The following ZBTB49 variants were observed in gnomAD, a reference collection of about 807,000 sequenced individuals.
ZBTB49 encodes zinc finger and BTB domain-containing protein 49.
A neutral mutation model predicts 57.5 loss-of-function variants in ZBTB49; 43 were observed. The observed-to-expected ratio is 0.75, with a 90% CI of 0.59 to 0.97. ZBTB49 has a LOEUF of 0.97. Ranked by LOEUF, ZBTB49 falls within the 50% of genes least tolerant of loss-of-function variation. The pLI is 0.00. For missense variants in ZBTB49, 938 were observed against 947.7 expected (o/e 0.99, Z 0.13); for synonymous variants, 369 against 362.1 (o/e 1.02, Z -0.22).
chr4:4,296,327 A>C (rs946308685), intron 1 of ZBTB49, among the ~76,000 whole-genome samples: 5 of 152,234 alleles, frequency 3.3e-5, no homozygotes, highest in Admixed American at 1.3e-4. Flanking sequence ...CACCACCCAA[A>C]TCTCATTTTG....
intron 1 of ZBTB49, among the ~76,000 whole-genome samples, chr4:4,294,278 C>G (rs1321959000): frequency 1.3e-5 from 2 of 151,988 alleles, no homozygotes; most frequent in African/African-American, 4.8e-5. Flanking sequence ...GGTTTCCAGA[C>G]CTTTTTATAA....
At chr4:4,306,280 C>A (rs767886348) in intron 4 of ZBTB49, 96 bp downstream of exon 4, 3 of 1,023,884 alleles carry the variant, frequency 2.9e-6, no homozygotes, top group Middle Eastern at 2.1e-4. Context: ...GTGAGAGAAG[C>A]CTCTAATGAT....
chr4:4,320,465 C>A (rs578258012), intron 7 of ZBTB49, among the ~76,000 whole-genome samples, 175 bp from the exon 8 acceptor site: 1 of 152,198 alleles, frequency 6.6e-6, no homozygotes, highest in Admixed American at 6.5e-5. Context: ...TAGCAAGACC[C>A]TGTCTCTACA....
chr4:4,291,048 C>T (rs540832765), intron 1 of ZBTB49, among the ~76,000 whole-genome samples: 3 of 152,258 alleles, frequency 2.0e-5, no homozygotes, highest in East Asian at 1.9e-4. Flanking sequence ...GGAGGATGCA[C>T]AGAGTATTGT....
chr4:4,318,611 A>C (rs1721281646), intron 7 of ZBTB49, among the ~76,000 whole-genome samples: 1 of 152,214 alleles, frequency 6.6e-6, no homozygotes, highest in Non-Finnish European at 1.5e-5. Flanking sequence ...CCATCTCAAA[A>C]ACAAAAACAA....
intron 4 of ZBTB49, 113 bp from the exon 5 acceptor site, chr4:4,312,927 CT>C (rs1240393522): frequency 8.5e-7 from 1 of 1,179,822 alleles, no homozygotes; most frequent in Non-Finnish European, 1.2e-6. Flanking sequence ...TCATCTTCAT[CT>C]GGAATTTGAA....
intron 7 of ZBTB49, among the ~76,000 whole-genome samples, chr4:4,317,577 A>G (rs967250059): frequency 2.6e-5 from 4 of 152,174 alleles, no homozygotes; most frequent in Non-Finnish European, 5.9e-5. Context: ...GGACTCATAC[A>G]ACACGGGGTA....
At position 4,306,099 on chromosome 4, in the gene ZBTB49, A is replaced by G. The variant is rs552298897; in HGVS notation, c.1256-39A>G. 6.9e-5 allele frequency: 108 copies of G among 1,575,456 alleles called. 1 individual carries two copies. In the South Asian group the frequency reaches 1.1e-3, roughly 16 times the overall value. ...AACAAAAAATTATTGAACAAATACT[A>G]GTAATGATTTTACAAGTTGTTGTTT... On this transcript the variant is annotated intron_variant, in intron 3 of 7. Transcript: ENST00000337872.
In ZBTB49 at chr4:4,301,963, T is replaced by C. The variant is rs201062636; in HGVS notation, c.153-26T>C. The C allele has an allele frequency of 2.0e-5, 30 of 1,485,142 alleles. No homozygotes were observed. In the East Asian group the frequency reaches 6.5e-4, roughly 32 times the overall value. The allele number at this position is 1,485,142 out of a possible 1,614,324, so 92.0% of individuals were successfully genotyped here. On this transcript the variant is annotated intron_variant, in intron 2 of 7. Coordinates refer to ENST00000337872, the MANE Select transcript of ZBTB49 (RefSeq NM_145291.4). ...AAGATGGTGTGAATTTTTGGCACTGTAAACAGATATTCTTTCTTTTACCAG... is the reference window on the plus strand; with the variant it reads ...AAGATGGTGTGAATTTTTGGCACTGCAAACAGATATTCTTTCTTTTACCAG...
rs544583551 is a variant in ZBTB49 at position 4,317,484 on chromosome 4, C to T, written c.1621+1514C>T. ...GGAAGCCTTATACCCATTAGCAACC[C>T]CCTTCCCAGCCCTGGCCCCTGGCTG... On this transcript the variant is annotated intron_variant, in intron 7 of 7. Transcript: ENST00000337872. Among the ~76,000 whole-genome samples the T allele has an allele frequency of 1.1e-4, 17 of 152,136 alleles. No individual in the cohort carries two copies. The East Asian group carries it at 2.5e-3, about 22-fold the overall frequency.
intron 1 of ZBTB49, among the ~76,000 whole-genome samples, chr4:4,296,883 C>G (rs552591568): frequency 6.6e-6 from 1 of 151,964 alleles, no homozygotes; most frequent in Non-Finnish European, 1.5e-5. Flanking sequence ...CTGATGGAAC[C>G]AGGTTCTAGG....
chr4:4,308,022 A>G (rs1720815754), intron 4 of ZBTB49, among the ~76,000 whole-genome samples: 1 of 152,186 alleles, frequency 6.6e-6, no homozygotes, highest in African/African-American at 2.4e-5. Flanking sequence ...CTTGGTGCCC[A>G]CATCAGAGAT....
intron 4 of ZBTB49, among the ~76,000 whole-genome samples, chr4:4,306,951 C>T (rs1486437504): frequency 6.6e-6 from 1 of 152,234 alleles, no homozygotes; most frequent in African/African-American, 2.4e-5. Flanking sequence ...GCAGTGCATG[C>T]CTCTGGAGCT....
intron 3 of ZBTB49, among the ~76,000 whole-genome samples, chr4:4,304,374 C>T (rs550548893): frequency 1.1e-4 from 17 of 152,062 alleles, no homozygotes; most frequent in African/African-American, 3.4e-4. Flanking sequence ...TACAGGCATG[C>T]GCCACCAATT....
At chr4:4,301,371 C>T (rs1193599471) in intron 2 of ZBTB49, among the ~76,000 whole-genome samples, 2 of 152,098 alleles carry the variant, frequency 1.3e-5, no homozygotes, top group Non-Finnish European at 2.9e-5. Context: ...GGTTTTTGAA[C>T]CACTGGCTGG....
At chr4:4,304,762 C>G (rs1314937614) in intron 3 of ZBTB49, among the ~76,000 whole-genome samples, 1 of 152,064 alleles carries the variant, frequency 6.6e-6, no homozygotes, top group Non-Finnish European at 1.5e-5. Flanking sequence ...TTTTTTCCTC[C>G]TCTTATGAGT....
chr4:4,317,945 A>T (rs1000502222), intron 7 of ZBTB49, among the ~76,000 whole-genome samples: 1 of 151,780 alleles, frequency 6.6e-6, no homozygotes, highest in East Asian at 1.9e-4. Context: ...TTGGGGTTTC[A>T]CTGCTCTCCG....
intron 1 of ZBTB49, 102 bp from the exon 2 acceptor site, chr4:4,299,825 G>C: frequency 9.9e-7 from 1 of 1,006,222 alleles, no homozygotes; most frequent in South Asian, 1.5e-5. Flanking sequence ...GAGAAACTGT[G>C]ATGAGAGAGT....
chr4:4,292,879 C>G (rs1490400091), intron 1 of ZBTB49, among the ~76,000 whole-genome samples: 1 of 152,192 alleles, frequency 6.6e-6, no homozygotes, highest in Non-Finnish European at 1.5e-5. Context: ...GGTTGAAATT[C>G]CATTCTGGCT....
Sources: gnomAD v4.1 joint callset for allele counts (sites outside exome capture counted in the v4.1 genomes callset) on GRCh38, gnomAD v4.1.1 for gene constraint, MANE v1.5 for transcripts, NCBI Gene and HGNC (gene_info 2026-07-23, HGNC 2026-07-21) for gene names.